The following USP20 variants were observed in gnomAD, a reference collection of about 807,000 sequenced individuals.
USP20 encodes the protein ubiquitin specific peptidase 20.
A neutral mutation model predicts 124.2 loss-of-function variants in USP20; 80 were observed. The ratio of observed to expected loss-of-function variants is 0.64; its 90% CI spans 0.54 to 0.78. The LOEUF (loss-of-function observed/expected upper bound fraction) is 0.78, where lower values mean the gene tolerates loss of function less well. USP20 is among the 30% of genes least tolerant of loss of function. The probability of loss-of-function intolerance (pLI) is 0.00; values close to 1 mark genes in which losing one functional copy is unlikely to be tolerated. For missense variants in USP20, 1,043 were observed against 1,244.4 expected (o/e 0.84, Z 2.44); for synonymous variants, 481 against 512.3 (o/e 0.94, Z 0.83).
At chr9:129,846,249 T>TATATATATGTA (rs2032557557) in intron 1 of USP20, among the ~76,000 whole-genome samples, 1 of 56,062 alleles carries the variant, frequency 1.8e-5, no homozygotes, top group Non-Finnish European at 3.5e-5. Context: ...ATATATATAT[T>TATATATATGTA]TTTTTTTTTT....
intron 13 of USP20, 115 bp from the exon 14 acceptor site, chr9:129,869,557 T>G: frequency 6.5e-7 from 1 of 1,537,576 alleles, no homozygotes; most frequent in Admixed American, 1.7e-5. Flanking sequence ...CCTGCCTGCG[T>G]GGATCCCGTG....
In USP20 at chr9:129,868,526, C is replaced by G. The variant is rs1179336716; in HGVS notation, c.1135+77C>G. On this transcript the variant is annotated intron_variant, in intron 11 of 25. Coordinates refer to ENST00000372429, the MANE Select transcript of USP20 (RefSeq NM_001110303.4). ...CTACCGGGTGCTGAGCGCCGACCTG[C>G]AGTAGCCCCCGGGGGACGGGTTCTT... is the stretch of plus-strand genomic sequence containing the variant. 2.0e-6 allele frequency: 3 copies of G among 1,501,224 alleles called. No homozygotes were observed. In the African/African-American group the frequency reaches 4.2e-5, roughly 21 times the overall value. 93.0% of individuals were successfully genotyped at this position (1,501,224 alleles called of 1,614,324 possible).
At position 129,860,740 on chromosome 9, in the gene USP20, C is replaced by T. The variant is rs575189323; in HGVS notation, c.331-197C>T. On this transcript the variant is annotated intron_variant, in intron 6 of 25. Coordinates refer to ENST00000372429, the MANE Select transcript of USP20 (RefSeq NM_001110303.4). ...CCCTGTCTCTAAAAAAACACAGACA[C>T]ACACAAATCAAGGAGTTCCCAGGGC... is the stretch of plus-strand genomic sequence containing the variant. 1.2e-4 allele frequency among the ~76,000 whole-genome samples: 18 copies of T among 152,336 alleles called. No individual in the cohort carries two copies. In the South Asian group the frequency reaches 2.1e-3, roughly 18 times the overall value.
chr9:129,858,014 C>T (rs745444422), intron 4 of USP20, 36 bp from the exon 5 acceptor site: 1 of 1,594,784 alleles, frequency 6.3e-7, no homozygotes, highest in Non-Finnish European at 8.6e-7. Flanking sequence ...ATCCTTTTGG[C>T]AAGCTCCAGT....
rs1194489340 is a variant in USP20 at position 129,852,440 on chromosome 9, C to T, written c.-16-100C>T. ...GCGTTACCAGCTGGTTTGTGGCAGA[C>T]CAGGACTCAAGGCCAAAGTCATGTA... On this transcript the variant is annotated intron_variant, in intron 2 of 25. Transcript: ENST00000372429. 4 of 978,226 alleles carry T rather than the reference C, an allele frequency of 4.1e-6. No homozygotes were observed. In the East Asian group the frequency reaches 7.9e-5, roughly 19 times the overall value. 60.6% of individuals were successfully genotyped at this position (978,226 alleles called of 1,614,324 possible).
In USP20 at chr9:129,878,356, G is replaced by T. The variant is rs887479514; in HGVS notation, c.2428G>T (p.Ala810Ser). The change falls in exon 23 of 26, where the codon GCC (alanine) becomes TCC (serine). Residue 810 changes from alanine to serine, a missense_variant. Coordinates refer to ENST00000372429, the MANE Select transcript of USP20 (RefSeq NM_001110303.4). ...TFIKLNKAFQ[A>S]EESPGVIYCI... Reference sequence around the variant, plus strand: ...CTGCCAGTTGAACAAGGCCTTCCAGGCCGAGGAGTCGCCGGGCGTCATCTA... The same window carrying T: ...CTGCCAGTTGAACAAGGCCTTCCAGTCCGAGGAGTCGCCGGGCGTCATCTA... 6.3e-7 allele frequency: 1 copy of T among 1,598,140 alleles called. No homozygotes were observed. The highest frequency in any genetic ancestry group is 1.3e-5 in the African/African-American group (1 of 74,736).
At position 129,870,448 on chromosome 9, in the gene USP20, T is replaced by A; in HGVS notation, c.1566-5T>A. ...AGCACCCCTGCACTCCTTTTCTGTCTGTAGGTTTGTGGTATCCTGTACCCC... is the reference window on the plus strand; with the variant it reads ...AGCACCCCTGCACTCCTTTTCTGTCAGTAGGTTTGTGGTATCCTGTACCCC... On this transcript the variant is annotated splice_polypyrimidine_tract_variant and splice_region_variant and intron_variant, in intron 14 of 25. Transcript: ENST00000372429. 2 of 1,613,924 alleles carry A rather than the reference T, an allele frequency of 1.2e-6. No individual in the cohort carries two copies. Among genetic ancestry groups the A allele is most frequent in the Non-Finnish European group, 1.7e-6 (2 of 1,179,892 alleles).
chr9:129,868,964 G>A lies in USP20; in HGVS notation c.1238G>A (p.Ser413Asn). The A allele has an allele frequency of 1.2e-6, 2 of 1,612,640 alleles. No individual in the cohort carries two copies. Among genetic ancestry groups the A allele is most frequent in the Non-Finnish European group, 1.7e-6 (2 of 1,179,302 alleles). The change falls in exon 12 of 26, where the codon AGC (serine) becomes AAC (asparagine). Residue 413 changes from serine (S) to asparagine (N), a missense_variant. Coordinates refer to ENST00000372429, the MANE Select transcript of USP20 (RefSeq NM_001110303.4). ...CTGTCTAGCAGCCCCCCTCGTGCAA[G>A]CCCCGTGAGGATGGCACCGTCGTAC... is the stretch of plus-strand genomic sequence containing the variant. Reference protein sequence around the residue: ...AKLSSSPPRASPVRMAPSYVL... With the variant: ...AKLSSSPPRANPVRMAPSYVL...
intron 10 of USP20, among the ~76,000 whole-genome samples, chr9:129,867,172 C>G (rs2033858061): frequency 2.0e-5 from 3 of 152,176 alleles, no homozygotes; most frequent in African/African-American, 4.8e-5. Context: ...ATGCCCAGCA[C>G]CACCCGAGCA....
intron 11 of USP20, 35 bp from the exon 12 acceptor site, chr9:129,868,826 TG>T: frequency 6.6e-7 from 1 of 1,519,158 alleles, no homozygotes; most frequent in Non-Finnish European, 8.8e-7. Flanking sequence ...CTGGCCTGGC[TG>T]CCCTGGCCCA....
intron 22 of USP20, among the ~76,000 whole-genome samples, chr9:129,876,999 C>T (rs2034437677): frequency 6.6e-6 from 1 of 152,144 alleles, no homozygotes; most frequent in Non-Finnish European, 1.5e-5. Flanking sequence ...CTGGGCTCTA[C>T]AGACTGCCCA....
chr9:129,847,275 C>T (rs2032632206), intron 1 of USP20, among the ~76,000 whole-genome samples: 1 of 151,148 alleles, frequency 6.6e-6, no homozygotes, highest in Admixed American at 6.6e-5. Flanking sequence ...TCCAATTTAT[C>T]CACACCCTCG....
intron 14 of USP20, chr9:129,870,159 G>A: frequency 1.8e-6 from 1 of 564,894 alleles, no homozygotes; most frequent in Non-Finnish European, 3.2e-6. Flanking sequence ...CTTTCCCAGG[G>A]CTGCCTCTCC....
intron 1 of USP20, among the ~76,000 whole-genome samples, chr9:129,846,247 A>ATATATTTT (rs1554742656): frequency 3.1e-5 from 1 of 32,684 alleles, no homozygotes; most frequent in African/African-American, 1.2e-4. Context: ...ATATATATAT[A>ATATATTTT]TTTTTTTTTT....
intron 22 of USP20, among the ~76,000 whole-genome samples, chr9:129,877,090 A>T (rs1184066668): frequency 6.6e-6 from 1 of 152,134 alleles, no homozygotes; most frequent in Non-Finnish European, 1.5e-5. Flanking sequence ...TCTGTGAGGG[A>T]GCTGAGTGCA....
chr9:129,839,644 G>T lies in USP20; in HGVS notation c.-129+4145G>T. 6.6e-6 allele frequency among the ~76,000 whole-genome samples: 1 copy of T among 152,074 alleles called. No individual in the cohort carries two copies. The highest frequency in any genetic ancestry group is 1.9e-4 in the East Asian group (1 of 5,190). ...TGTGCGGGGCTGGGGGTGTGAGATGGCTAATGTGGTTGGGGTCAGCGTGGG... is the reference window on the plus strand; with the variant it reads ...TGTGCGGGGCTGGGGGTGTGAGATGTCTAATGTGGTTGGGGTCAGCGTGGG... On this transcript the variant is annotated intron_variant, in intron 1 of 25. Transcript: ENST00000372429. The surrounding 1 kb of genome is among the most constrained non-coding windows in gnomAD (Gnocchi z 4.5).
At chr9:129,842,540 A>G (rs1444848404) in intron 1 of USP20, among the ~76,000 whole-genome samples, 1 of 151,306 alleles carries the variant, frequency 6.6e-6, no homozygotes, top group East Asian at 1.9e-4. Context: ...CAGCTGAGAT[A>G]TGCACCCTCT....
At chr9:129,838,104 C>T (rs996864987) in intron 1 of USP20, among the ~76,000 whole-genome samples, 6 of 149,414 alleles carry the variant, frequency 4.0e-5, no homozygotes, top group African/African-American at 7.4e-5. Flanking sequence ...TGCAGTGGTG[C>T]GATCTTGGCT....
chr9:129,881,189 A>T lies in USP20; in HGVS notation c.*739A>T, dbSNP rs936363634. 4 of 152,260 alleles carry T rather than the reference A, an allele frequency of 2.6e-5. No homozygotes were observed. The highest frequency in any genetic ancestry group is 4.4e-5 in the Non-Finnish European group (3 of 68,070). The allele number at this position is 152,260 out of a possible 1,614,324, so 9.4% of individuals were successfully genotyped here. A position where few individuals can be genotyped will look rare whatever the true frequency, so the allele number is the denominator to read the frequency against. ...TTCATGGGAAATTTGCTGAGCCCCC[A>T]CCAGGGAACCGGATGATGAAACAGG... On this transcript the variant is annotated 3_prime_UTR_variant, in exon 26 of 26. Coordinates refer to ENST00000372429, the MANE Select transcript of USP20 (RefSeq NM_001110303.4).
Sources: gnomAD v4.1 joint callset for allele counts (sites outside exome capture counted in the v4.1 genomes callset) on GRCh38, gnomAD v4.1.1 for gene constraint, Gnocchi (gnomAD v3.1) non-coding constraint, MANE v1.5 for transcripts, NCBI Gene and HGNC (gene_info 2026-07-23, HGNC 2026-07-21) for gene names.